Variants in TCF25 observed in about 807,000 individuals in gnomAD.
TCF25 encodes TCF25 ribosome quality control complex subunit, also known as ribosome quality control complex subunit TCF25.
A neutral mutation model predicts 83.1 loss-of-function variants in TCF25; 41 were observed. The ratio of observed to expected loss-of-function variants is 0.49; its 90% CI spans 0.38 to 0.64. TCF25 has a LOEUF of 0.64. TCF25 is among the 30% of genes least tolerant of loss of function. The pLI is 0.00. For missense variants in TCF25, 979 were observed against 914.5 expected, an observed-to-expected ratio of 1.07 and a Z score of -0.91; for synonymous variants, 458 against 365.0, an observed-to-expected ratio of 1.25 and a Z score of -2.90.
intron 1 of TCF25, among the ~76,000 whole-genome samples, chr16:89,876,562 G>A (rs1199784512): frequency 3.9e-5 from 6 of 152,134 alleles, no homozygotes; most frequent in African/African-American, 7.2e-5. Context: ...TTTGGGAGGT[G>A]GGCAGATCAC....
chr16:89,888,670 T>C (rs1483290583), intron 5 of TCF25, among the ~76,000 whole-genome samples: 2 of 147,462 alleles, frequency 1.4e-5, no homozygotes, highest in Non-Finnish European at 3.0e-5. Flanking sequence ...TTTCTTTCTC[T>C]CTTTCTTTCT....
At chr16:89,901,154 G>T (rs892523281) in intron 12 of TCF25, 7 of 203,504 alleles carry the variant, frequency 3.4e-5, no homozygotes, top group Admixed American at 1.5e-4. Flanking sequence ...GGCCGAGAGG[G>T]TTGTGCTCTG....
At position 89,904,225 on chromosome 16, in the gene TCF25, G is replaced by A. The variant is rs1264822069; in HGVS notation, c.1469+20G>A. On this transcript the variant is annotated intron_variant, in intron 13 of 17. Coordinates refer to ENST00000263346, the MANE Select transcript of TCF25 (RefSeq NM_014972.3). ...AATAAGGTAAAGAGTGGCTGGTGGT[G>A]CCCATCTGTGGGTGCCTGTGGGTTC... The A allele has an allele frequency of 3.2e-6, 5 of 1,554,014 alleles. No individual in the cohort carries two copies. The South Asian group carries it at 4.7e-5, about 15-fold the overall frequency.
chr16:89,887,436 G>T (rs545738012), intron 4 of TCF25, among the ~76,000 whole-genome samples: 1 of 152,324 alleles, frequency 6.6e-6, no homozygotes, highest in African/African-American at 2.4e-5. Flanking sequence ...CTCACCGAGC[G>T]CCCTCACGGC....
At chr16:89,900,377 C>T (rs1036321186) in intron 11 of TCF25, among the ~76,000 whole-genome samples, 1 of 151,876 alleles carries the variant, frequency 6.6e-6, no homozygotes, top group African/African-American at 2.4e-5. Context: ...GTGGGACCCT[C>T]ACTCCCCACG....
In TCF25 at chr16:89,900,646, C is replaced by T. The variant is rs768139683; in HGVS notation, c.1233C>T (p.Asn411=). 1 of 1,592,452 alleles carries T rather than the reference C, an allele frequency of 6.3e-7. No homozygotes were observed. Among genetic ancestry groups the T allele is most frequent in the African/African-American group, 1.3e-5 (1 of 74,604 alleles). The change falls in exon 12 of 18, where the codon AAC becomes AAT. Residue 411 remains asparagine, a synonymous_variant. Transcript: ENST00000263346. ...TTCGTCCCTCGTAGGCTCATCGGAA[C>T]CTGTCCCAGCTCCCTAATTTTGCCT... ...RLFQEWEAHR[N]LSQLPNFAFS...
chr16:89,897,456 C>T (rs370802672), intron 9 of TCF25, among the ~76,000 whole-genome samples: 14 of 152,330 alleles, frequency 9.2e-5, no homozygotes, highest in African/African-American at 3.1e-4. Flanking sequence ...GTGTGGGATC[C>T]GCTCCTACCC....
chr16:89,876,979 G>A (rs1258101849), intron 1 of TCF25, among the ~76,000 whole-genome samples: 4 of 147,970 alleles, frequency 2.7e-5, no homozygotes, highest in Non-Finnish European at 6.0e-5. Context: ...GTGGGTGCCT[G>A]TAATCCCAGC....
chr16:89,883,751 T>A, intron 2 of TCF25: 1 of 489,766 alleles, frequency 2.0e-6, no homozygotes, highest in Non-Finnish European at 3.7e-6. Context: ...GCAGTGTATG[T>A]AACCGCACAC....
chr16:89,907,697 C>T (rs1597388215), intron 16 of TCF25, among the ~76,000 whole-genome samples: 1 of 91,348 alleles, frequency 1.1e-5, no homozygotes, highest in Admixed American at 1.2e-4. Flanking sequence ...CCTCCTTTCA[C>T]CTCCCACCTG....
Position 89,895,098 on chromosome 16 carries a change from C to A in TCF25, c.889C>A (p.Arg297Ser), listed in dbSNP as rs568520143. 3.1e-6 allele frequency: 5 copies of A among 1,613,134 alleles called. No individual in the cohort carries two copies. Among genetic ancestry groups the A allele is most frequent in the Non-Finnish European group, 3.4e-6 (4 of 1,179,806 alleles). The change falls in exon 8 of 18, where the codon CGC (arginine) becomes AGC (serine). Residue 297 changes from arginine (R) to serine (S), a missense_variant. Arg to Ser is a moderately radical substitution (Grantham distance 110, BLOSUM62 -1). Coordinates refer to ENST00000263346, the MANE Select transcript of TCF25 (RefSeq NM_014972.3). Reference sequence around the variant, plus strand: ...ACTCCTGCAGCTCAGCGATGCCTGCCGCTTTCAAGAGGATCAGGAGATGGC... The same window carrying A: ...ACTCCTGCAGCTCAGCGATGCCTGCAGCTTTCAAGAGGATCAGGAGATGGC... ...DSLLQLSDACRFQEDQEMARD... is the reference protein window; with the variant it reads ...DSLLQLSDACSFQEDQEMARD...
chr16:89,888,840 A>ATT lies in TCF25; in HGVS notation c.614+1148_614+1149dup, dbSNP rs34444102. Among the ~76,000 whole-genome samples the ATT allele has an allele frequency of 1.6e-3, 176 of 109,896 alleles. 3 individuals carry two copies. Among genetic ancestry groups the ATT allele is most frequent in the African/African-American group, 5.5e-3 (142 of 25,600 alleles). 72.1% of individuals were successfully genotyped at this position (109,896 alleles called of 152,430 possible). ...AGGTGCACGCCACCACGCCCAGCTA[A>ATT]TTTTTTTTTTTTTTTTTTTTTTTTT... On this transcript the variant is annotated intron_variant, in intron 5 of 17. Coordinates refer to ENST00000263346, the MANE Select transcript of TCF25 (RefSeq NM_014972.3).
chr16:89,875,264 A>G (rs1043302061), intron 1 of TCF25, among the ~76,000 whole-genome samples: 2 of 152,210 alleles, frequency 1.3e-5, no homozygotes, highest in African/African-American at 4.8e-5. Context: ...GCACCTAGCT[A>G]TGTATTCGTT....
intron 2 of TCF25, among the ~76,000 whole-genome samples, chr16:89,884,219 C>T (rs2042814050): frequency 6.6e-6 from 1 of 152,132 alleles, no homozygotes; most frequent in African/African-American, 2.4e-5. Flanking sequence ...GCGTAGGGGA[C>T]CACACATACA....
intron 5 of TCF25, among the ~76,000 whole-genome samples, chr16:89,888,671 C>T (rs1204048957): frequency 2.1e-5 from 3 of 145,986 alleles, no homozygotes; most frequent in Admixed American, 6.8e-5. Flanking sequence ...TTCTTTCTCT[C>T]TTTCTTTCTT....
chr16:89,905,136 C>T, intron 14 of TCF25, 40 bp downstream of exon 14: 1 of 1,513,510 alleles, frequency 6.6e-7, no homozygotes, highest in Non-Finnish European at 8.8e-7. Flanking sequence ...ACGCCCCCTC[C>T]TCAGGGACCC....
intron 4 of TCF25, among the ~76,000 whole-genome samples, chr16:89,886,287 C>T (rs531675188): frequency 6.6e-6 from 1 of 151,956 alleles, no homozygotes; most frequent in South Asian, 2.1e-4. Context: ...ATTAGCTGGG[C>T]GTGGTAGCGG....
In TCF25 at chr16:89,893,776, C is replaced by T; in HGVS notation, c.746C>T (p.Ala249Val). The change falls in exon 7 of 18, where the codon GCG becomes GTG. Residue 249 changes from alanine (A) to valine (V), a missense_variant. Physicochemically the swap from Ala to Val is moderately conservative, Grantham distance 64. Transcript: ENST00000263346. Reference protein sequence around the residue: ...LESKKGLSFFAFEHSEEYQQA... With the variant: ...LESKKGLSFFVFEHSEEYQQA... The stretch of plus-strand genomic sequence containing the variant: ...TCAAAAAAAGGCCTCTCCTTCTTTG[C>T]GTTTGAGCACAGTGAGGAGTACCAG... 1.2e-6 allele frequency: 2 copies of T among 1,613,646 alleles called. No homozygotes were observed. The highest frequency in any genetic ancestry group is 1.7e-5 in the Admixed American group (1 of 59,994).
intron 9 of TCF25, among the ~76,000 whole-genome samples, chr16:89,896,863 C>T (rs1396143477): frequency 6.6e-6 from 1 of 152,036 alleles, no homozygotes; most frequent in African/African-American, 2.4e-5. Flanking sequence ...CACTACAGAA[C>T]ATTTTAAAAA....
Sources: allele counts gnomAD v4.1 joint callset (sites outside exome capture counted in the v4.1 genomes callset), GRCh38; gene constraint gnomAD v4.1.1; transcripts MANE v1.5; gene names NCBI Gene and HGNC (gene_info 2026-07-23, HGNC 2026-07-21).